The following SSMEM1 variants were observed in gnomAD, a reference collection of about 807,000 sequenced individuals.
SSMEM1 encodes the protein serine-rich single-pass membrane protein 1.
A neutral mutation model predicts 9.9 loss-of-function variants in SSMEM1; 12 were observed. The observed-to-expected ratio is 1.21, with a 90% CI of 0.78 to 1.96. SSMEM1 has a LOEUF of 1.96. Among genes scored for constraint, SSMEM1 ranks in the 30% most tolerant of loss-of-function variants. SSMEM1 has a pLI of 0.00. For missense variants in SSMEM1, 259 were observed against 292.2 expected (o/e 0.89, Z 0.83); for synonymous variants, 96 against 98.9 (o/e 0.97, Z 0.17).
chr7:130,205,543 C>T, upstream of SSMEM1: 1 of 1,023,456 alleles, frequency 9.8e-7, no homozygotes, highest in Middle Eastern at 2.1e-4. Flanking sequence ...GGAGCGTTAC[C>T]AGGGAAACAG....
chr7:130,213,533 A>G lies in SSMEM1; in HGVS notation c.237A>G (p.Lys79=), dbSNP rs766620708. Residue 79 remains lysine (K), a splice_region_variant and synonymous_variant, in exon 2 of 3, where the codon AAA becomes AAG. Transcript: ENST00000297819. ...EGSGTSTSVR[K]ASKETSCKRQ... ...GTGGGACAAGTACTTCAGTAAGGAA[A>G]GGTGAGAACCAGTGCATATTTGGTG... 3 of 1,611,758 alleles carry G rather than the reference A, an allele frequency of 1.9e-6. No homozygotes were observed. The South Asian group carries it at 3.3e-5, about 18-fold the overall frequency.
rs1562906557 is a variant in SSMEM1 at position 130,213,338 on chromosome 7, ACT to A, written c.184-138_184-137del. Reference sequence around the variant, plus strand: ...ACTCCAGCCTGGGCAACAGAGTGAGACTCTCCAAAAATAAATAAATAAAATAA... The same window carrying A: ...ACTCCAGCCTGGGCAACAGAGTGAGACTCCAAAAATAAATAAATAAAATAA... On this transcript the variant is annotated intron_variant, in intron 1 of 2. Transcript: ENST00000297819. 6.2e-6 allele frequency: 3 copies of A among 485,460 alleles called. No homozygotes were observed. The East Asian group carries it at 1.3e-4, about 20-fold the overall frequency. 30.1% of individuals were successfully genotyped at this position (485,460 alleles called of 1,614,324 possible).
chr7:130,215,647 A>T (rs1798690252), intron 2 of SSMEM1, among the ~76,000 whole-genome samples: 1 of 152,138 alleles, frequency 6.6e-6, no homozygotes, highest in South Asian at 2.1e-4. Context: ...TTGAATCTGT[A>T]AGACTTCAAT....
At chr7:130,212,735 A>AG (rs1375460746) in intron 1 of SSMEM1, among the ~76,000 whole-genome samples, 5 of 152,034 alleles carry the variant, frequency 3.3e-5, no homozygotes, top group African/African-American at 1.2e-4. Context: ...CAAAAAAAAA[A>AG]CAAAAACAAA....
chr7:130,205,545 G>A (rs1798430860), upstream of SSMEM1: 4 of 1,024,814 alleles, frequency 3.9e-6, no homozygotes, highest in Admixed American at 7.8e-5. Context: ...AGCGTTACCA[G>A]GGAAACAGGT....
intron 1 of SSMEM1, among the ~76,000 whole-genome samples, chr7:130,210,775 T>C (rs925447254): frequency 6.6e-5 from 10 of 152,252 alleles, no homozygotes; most frequent in African/African-American, 2.2e-4. Flanking sequence ...TAACCACAGT[T>C]CATATGATCC....
rs373143461 is a variant in SSMEM1, at chr7:130,213,689, TACCA to T, written c.238+157_238+160del. 1.8e-3 allele frequency among the ~76,000 whole-genome samples: 114 copies of T among 62,590 alleles called. 2 individuals carry two copies. The highest frequency in any genetic ancestry group is 0.015 in the Middle Eastern group (1 of 66). The allele number at this position is 62,590 out of a possible 152,430, so 41.1% of individuals were successfully genotyped here. ...AGCTTGAGAACATAGTGAGACCCAG[TACCA>T]AAAAAAAAAAAAAAAAAAAAAGAAA... On this transcript the variant is annotated intron_variant, in intron 2 of 2. Coordinates refer to ENST00000297819, the MANE Select transcript of SSMEM1 (RefSeq NM_145268.4).
upstream of SSMEM1, among the ~76,000 whole-genome samples, chr7:130,207,278 G>C (rs1176990687): frequency 1.3e-5 from 2 of 152,182 alleles, no homozygotes; most frequent in Admixed American, 1.3e-4. Flanking sequence ...GGAAGTCTAA[G>C]ATCAAATTGT....
chr7:130,214,440 A>T (rs1291307288), intron 2 of SSMEM1, among the ~76,000 whole-genome samples: 1 of 152,086 alleles, frequency 6.6e-6, no homozygotes, highest in East Asian at 1.9e-4. Context: ...AATAAATAAA[A>T]ATAAATAAAT....
chr7:130,207,780 T>C, upstream of SSMEM1: 1 of 946,326 alleles, frequency 1.1e-6, no homozygotes, highest in South Asian at 1.3e-5. Context: ...TGTCAGTTCC[T>C]AGAACAGTTG....
chr7:130,216,266 G>A lies in SSMEM1; in HGVS notation c.531G>A (p.Lys177=). Residue 177 remains lysine, a synonymous_variant, in exon 3 of 3, where the codon AAG becomes AAA. Coordinates refer to ENST00000297819, the MANE Select transcript of SSMEM1 (RefSeq NM_145268.4). ...SEHHPSPDSI[K]RRKMAQRQRN... is the part of the protein sequence containing the mutation. ...ACCACCCATCACCAGACAGTATTAA[G>A]AGGAGAAAAATGGCTCAGAGGCAAA... 1.9e-6 allele frequency: 3 copies of A among 1,614,158 alleles called. No individual in the cohort carries two copies. Among genetic ancestry groups the A allele is most frequent in the Non-Finnish European group, 2.5e-6 (3 of 1,180,028 alleles).
intron 2 of SSMEM1, among the ~76,000 whole-genome samples, chr7:130,214,608 G>A (rs1323594589): frequency 6.6e-6 from 1 of 152,130 alleles, no homozygotes; most frequent in Non-Finnish European, 1.5e-5. Context: ...TAGTTCCAGC[G>A]TGAATGTTAT....
chr7:130,205,567 G>A, upstream of SSMEM1: 1 of 795,708 alleles, frequency 1.3e-6, no homozygotes, highest in Admixed American at 2.3e-5. Flanking sequence ...TCGGTTTTGC[G>A]GCTCCCACTC....
upstream of SSMEM1, chr7:130,207,665 A>C: frequency 1.7e-6 from 1 of 584,332 alleles, no homozygotes; most frequent in Admixed American, 2.6e-5. Flanking sequence ...TAGGAAAAAA[A>C]ATTAAGGCAG....
rs751484431 is a variant in SSMEM1, at chr7:130,216,088, CT to C, written c.356del (p.Leu119TrpfsTer20). On this transcript the variant is annotated frameshift_variant, in exon 3 of 3. Coordinates refer to ENST00000297819, the MANE Select transcript of SSMEM1 (RefSeq NM_145268.4). LOFTEE classifies it low-confidence loss of function (END_TRUNC). ...ACCCCTGTAACCAACTCAGAAGTGG[CT>C]TTGGTCAATGCCTATCCTGAACAAA... ...QLTPVTNSEVALVNAYPEQRR... is the reference protein window; with the variant it reads ...QLTPVTNSEVXLVNAYPEQRR... The C allele has an allele frequency of 2.5e-6, 4 of 1,614,210 alleles. No homozygotes were observed. The Admixed American group carries it at 6.7e-5, about 27-fold the overall frequency.
At chr7:130,213,297 G>C (rs1178192005) in intron 1 of SSMEM1, among the ~76,000 whole-genome samples, 183 bp from the exon 2 acceptor site, 1 of 152,038 alleles carries the variant, frequency 6.6e-6, no homozygotes, top group African/African-American at 2.4e-5. Context: ...GCAGTGAGCT[G>C]AGATCATGCC....
chr7:130,207,313 CG>C (rs1456312596), upstream of SSMEM1, among the ~76,000 whole-genome samples: 2 of 152,164 alleles, frequency 1.3e-5, no homozygotes, highest in Admixed American at 6.5e-5. Context: ...TCTCCTGAGG[CG>C]GGTCTCCTTG....
chr7:130,215,969 G>T lies in SSMEM1; in HGVS notation c.239-5G>T. 1 of 1,612,740 alleles carries T rather than the reference G, an allele frequency of 6.2e-7. No individual in the cohort carries two copies. On this transcript the variant is annotated splice_polypyrimidine_tract_variant and splice_region_variant and intron_variant, in intron 2 of 2. Coordinates refer to ENST00000297819, the MANE Select transcript of SSMEM1 (RefSeq NM_145268.4). The stretch of plus-strand genomic sequence containing the variant: ...ACTAACTTGATATGTTTCATTGGTT[G>T]TTAGCAAGCAAAGAGACTTCCTGTA...
chr7:130,214,488 C>T (rs1798666095), intron 2 of SSMEM1, among the ~76,000 whole-genome samples: 1 of 152,060 alleles, frequency 6.6e-6, no homozygotes, highest in Non-Finnish European at 1.5e-5. Flanking sequence ...ATATACAATA[C>T]TCCTTATGGC....
Sources: allele counts gnomAD v4.1 joint callset (sites outside exome capture counted in the v4.1 genomes callset), GRCh38; gene constraint gnomAD v4.1.1; transcripts MANE v1.5; gene names NCBI Gene and HGNC (gene_info 2026-07-23, HGNC 2026-07-21).